The following CLSTN2 variants were observed in gnomAD, a reference collection of about 807,000 sequenced individuals.
CLSTN2 encodes the protein calsyntenin-2.
A neutral mutation model predicts 101.2 loss-of-function variants in CLSTN2; 48 were observed. The ratio of observed to expected loss-of-function variants is 0.47; its 90% confidence interval spans 0.38 to 0.60. The LOEUF (loss-of-function observed/expected upper bound fraction) is 0.60. Ranked by LOEUF, CLSTN2 falls within the 20% of genes least tolerant of loss-of-function variation. CLSTN2 has a pLI of 0.00. For missense variants in CLSTN2, 1,160 were observed against 1,238.2 expected (o/e 0.94, Z 0.95); for synonymous variants, 481 against 463.6 (o/e 1.04, Z -0.48).
chr3:140,257,000 A>G (rs776813752), intron 2 of CLSTN2, among the ~76,000 whole-genome samples: 4 of 152,194 alleles, frequency 2.6e-5, no homozygotes, highest in Non-Finnish European at 5.9e-5. Flanking sequence ...ATAGAAAGGC[A>G]TACATAGGCC....
intron 2 of CLSTN2, among the ~76,000 whole-genome samples, chr3:140,317,959 C>T (rs993962642): frequency 1.3e-5 from 2 of 152,124 alleles, no homozygotes; most frequent in Non-Finnish European, 2.9e-5. Context: ...CAATAGTGCC[C>T]GCTGGTGTCA....
At chr3:140,376,465 C>T (rs3903534) in intron 2 of CLSTN2, among the ~76,000 whole-genome samples, 145,465 of 152,326 alleles carry the variant, frequency 0.95, 69,809 homozygotes, top group East Asian at 1. Context: ...CCAAAGATTC[C>T]CCTCCTTTCT....
chr3:140,176,753 G>A (rs2010331553), intron 2 of CLSTN2, among the ~76,000 whole-genome samples: 1 of 152,250 alleles, frequency 6.6e-6, no homozygotes, highest in Non-Finnish European at 1.5e-5. Flanking sequence ...ATGGCAGTGG[G>A]AGGAGGGATT....
intron 6 of CLSTN2, among the ~76,000 whole-genome samples, chr3:140,457,884 G>A (rs1476688952): frequency 4.6e-5 from 7 of 152,226 alleles, no homozygotes; most frequent in Non-Finnish European, 8.8e-5. Context: ...TACAGCATGA[G>A]CATGAATTGG....
At chr3:139,966,210 T>C (rs982001164) in intron 1 of CLSTN2, among the ~76,000 whole-genome samples, 1 of 152,170 alleles carries the variant, frequency 6.6e-6, no homozygotes, top group Non-Finnish European at 1.5e-5. Flanking sequence ...TCCTGCTCTC[T>C]CTCCACAACC....
At chr3:140,046,283 C>T (rs1292414550) in intron 1 of CLSTN2, among the ~76,000 whole-genome samples, 2 of 152,116 alleles carry the variant, frequency 1.3e-5, no homozygotes, top group African/African-American at 2.4e-5. Context: ...TTCTTTGTCT[C>T]TTTTGATCTT....
At chr3:140,529,626 T>A (rs989732531) in intron 8 of CLSTN2, among the ~76,000 whole-genome samples, 2 of 152,164 alleles carry the variant, frequency 1.3e-5, no homozygotes, top group African/African-American at 4.8e-5. Context: ...AGATCCACAT[T>A]TATAAAACCC....
At chr3:140,427,647 A>C (rs977500169) in intron 5 of CLSTN2, among the ~76,000 whole-genome samples, 1 of 151,824 alleles carries the variant, frequency 6.6e-6, no homozygotes, top group Non-Finnish European at 1.5e-5. Flanking sequence ...GGCTACAGAC[A>C]CTCCCAGAGA....
Position 140,556,678 on chromosome 3 carries a change from C to T in CLSTN2, c.1823+17C>T, listed in dbSNP as rs1935802492. The T allele has an allele frequency of 1.9e-6, 3 of 1,610,490 alleles. No individual in the cohort carries two copies. The highest frequency in any genetic ancestry group is 1.7e-6 in the Non-Finnish European group (2 of 1,177,622). On this transcript the variant is annotated intron_variant, in intron 11 of 16. Transcript: ENST00000458420. ...CAAAGTCCAGTGAGTGGACGCTGGTCAGCCTGGGGCCAACTGAGGCAGCAG... is the reference window on the plus strand; with the variant it reads ...CAAAGTCCAGTGAGTGGACGCTGGTTAGCCTGGGGCCAACTGAGGCAGCAG...
chr3:140,315,192 A>T (rs1181288892), intron 2 of CLSTN2, among the ~76,000 whole-genome samples: 1 of 152,210 alleles, frequency 6.6e-6, no homozygotes, highest in African/African-American at 2.4e-5. Flanking sequence ...CACCAACCAG[A>T]TTCGGAAGCT....
At chr3:140,231,289 C>T (rs568132386) in intron 2 of CLSTN2, among the ~76,000 whole-genome samples, 18 of 152,190 alleles carry the variant, frequency 1.2e-4, no homozygotes, top group Admixed American at 4.6e-4. Context: ...AATATTCTCC[C>T]TCATCATCTA....
chr3:139,998,624 G>A (rs372104395), intron 1 of CLSTN2, among the ~76,000 whole-genome samples: 2 of 152,024 alleles, frequency 1.3e-5, no homozygotes, highest in East Asian at 1.9e-4. Flanking sequence ...GATTACAGGC[G>A]TGAGCCACCG....
At chr3:140,088,580 CAAAG>C (rs1339136772) in intron 1 of CLSTN2, among the ~76,000 whole-genome samples, 1 of 152,180 alleles carries the variant, frequency 6.6e-6, no homozygotes, top group Non-Finnish European at 1.5e-5. Context: ...TGCAGAAAAA[CAAAG>C]GAAGCCATCT....
intron 1 of CLSTN2, among the ~76,000 whole-genome samples, chr3:139,972,875 T>C (rs896568767): frequency 6.6e-6 from 1 of 152,164 alleles, no homozygotes; most frequent in African/African-American, 2.4e-5. Context: ...GATGAACGAA[T>C]GAATGAATGA....
chr3:140,183,077 T>G (rs1338444022), intron 2 of CLSTN2, among the ~76,000 whole-genome samples: 1 of 152,152 alleles, frequency 6.6e-6, no homozygotes, highest in Non-Finnish European at 1.5e-5. Flanking sequence ...TTTCATGGTC[T>G]GATTGATGGT....
intron 5 of CLSTN2, among the ~76,000 whole-genome samples, chr3:140,435,467 G>C (rs180700401): frequency 6.6e-6 from 1 of 152,206 alleles, no homozygotes; most frequent in African/African-American, 2.4e-5. Context: ...CCATTTATCT[G>C]TTAATGGACA....
At chr3:140,258,047 C>A (rs992320712) in intron 2 of CLSTN2, among the ~76,000 whole-genome samples, 5 of 152,034 alleles carry the variant, frequency 3.3e-5, no homozygotes, top group Non-Finnish European at 7.4e-5. Flanking sequence ...ATCTTGGTGG[C>A]AAAATTATCT....
At chr3:140,062,933 T>C (rs955696103) in intron 1 of CLSTN2, among the ~76,000 whole-genome samples, 4 of 152,200 alleles carry the variant, frequency 2.6e-5, no homozygotes, top group African/African-American at 9.7e-5. Context: ...TATAATACAT[T>C]TGATTATAAA....
intron 2 of CLSTN2, among the ~76,000 whole-genome samples, chr3:140,371,967 G>A (rs1297411553): frequency 1.3e-5 from 2 of 152,172 alleles, no homozygotes; most frequent in Non-Finnish European, 2.9e-5. Context: ...TAACGACTGC[G>A]TGGCAACTGG....
Sources: allele counts gnomAD v4.1 joint callset (sites outside exome capture counted in the v4.1 genomes callset), GRCh38; gene constraint gnomAD v4.1.1; transcripts MANE v1.5; gene names NCBI Gene and HGNC (gene_info 2026-07-23, HGNC 2026-07-21).